Variants in SPIRE1 observed in about 807,000 individuals in gnomAD.
The protein encoded by SPIRE1 is protein spire homolog 1.
SPIRE1 carries 40 observed loss-of-function variants against 94.1 expected under a neutral mutation model. That is an observed-to-expected ratio of 0.43 (90% CI 0.33 to 0.55). The LOEUF (loss-of-function observed/expected upper bound fraction) is 0.55, where lower values mean the gene tolerates loss of function less well. Among genes scored for constraint, SPIRE1 ranks in the 20% least tolerant of loss-of-function variants. The pLI, the probability that SPIRE1 is intolerant of heterozygous loss-of-function variation, is 0.06. For missense variants in SPIRE1, 838 were observed against 975.2 expected (o/e 0.86, Z 1.87); for synonymous variants, 376 against 371.7 (o/e 1.01, Z -0.13).
intron 1 of SPIRE1, among the ~76,000 whole-genome samples, chr18:12,640,169 A>T (rs913054538): frequency 1.6e-4 from 25 of 152,328 alleles, no homozygotes; most frequent in African/African-American, 4.8e-4. Context: ...TGGCTGACTT[A>T]TCATGCAGTC....
At chr18:12,607,438 T>C (rs1422678840) in intron 2 of SPIRE1, among the ~76,000 whole-genome samples, 1 of 152,204 alleles carries the variant, frequency 6.6e-6, no homozygotes, top group African/African-American at 2.4e-5. Flanking sequence ...TGAATGAGCT[T>C]GGTTCTATGC....
intron 12 of SPIRE1, among the ~76,000 whole-genome samples, chr18:12,457,846 C>CT (rs201510377): frequency 0.027 from 3,631 of 132,206 alleles, 151 homozygotes; most frequent in African/African-American, 0.084. Context: ...TTTCTTTTTT[C>CT]TTTTTTTTTT....
intron 12 of SPIRE1, among the ~76,000 whole-genome samples, chr18:12,455,082 C>T (rs2031448986): frequency 6.6e-6 from 1 of 151,932 alleles, no homozygotes; most frequent in Non-Finnish European, 1.5e-5. Flanking sequence ...ACTACAGGTG[C>T]ATGCCACCAT....
chr18:12,571,925 C>T (rs773610858), intron 2 of SPIRE1, among the ~76,000 whole-genome samples: 14 of 152,122 alleles, frequency 9.2e-5, no homozygotes, highest in Admixed American at 1.3e-4. Context: ...ATTACAATAA[C>T]GAGAAGGTGT....
intron 4 of SPIRE1, among the ~76,000 whole-genome samples, chr18:12,528,410 T>C (rs1276240114): frequency 6.6e-6 from 1 of 152,200 alleles, no homozygotes; most frequent in African/African-American, 2.4e-5. Flanking sequence ...GAAAAAGCAT[T>C]TCAGAATAGT....
At chr18:12,493,285 T>C in intron 7 of SPIRE1, 84 bp from the exon 8 acceptor site, 2 of 1,230,574 alleles carry the variant, frequency 1.6e-6, no homozygotes, top group Non-Finnish European at 2.3e-6. Context: ...GTATTATAAA[T>C]TACATTTCAT....
At chr18:12,541,999 T>C (rs143031933) in intron 3 of SPIRE1, among the ~76,000 whole-genome samples, 87 of 151,902 alleles carry the variant, frequency 5.7e-4, no homozygotes, top group African/African-American at 1.8e-3. Flanking sequence ...TCTTTTGAGA[T>C]GGAGTCTCGC....
chr18:12,631,993 C>T (rs1156480531), intron 2 of SPIRE1, among the ~76,000 whole-genome samples: 3 of 151,688 alleles, frequency 2.0e-5, no homozygotes, highest in Admixed American at 6.6e-5. Context: ...TACAGTGAGC[C>T]GTTATCATGG....
intron 4 of SPIRE1, among the ~76,000 whole-genome samples, chr18:12,528,198 C>A (rs1448508904): frequency 6.6e-6 from 1 of 152,160 alleles, no homozygotes; most frequent in Non-Finnish European, 1.5e-5. Flanking sequence ...AAAAAGACTA[C>A]AAGAGATACT....
chr18:12,554,851 A>T (rs192239210), intron 2 of SPIRE1, among the ~76,000 whole-genome samples: 68 of 152,348 alleles, frequency 4.5e-4, no homozygotes, highest in African/African-American at 1.6e-3. Context: ...ATAGAAATTG[A>T]TTCTCCCAGT....
chr18:12,621,552 T>C (rs186700453), intron 2 of SPIRE1, among the ~76,000 whole-genome samples: 54 of 152,314 alleles, frequency 3.5e-4, no homozygotes, highest in African/African-American at 1.3e-3. Context: ...AGGAATAAAG[T>C]ACTGATACAT....
chr18:12,639,002 G>A (rs868635780), intron 1 of SPIRE1, among the ~76,000 whole-genome samples: 1 of 152,110 alleles, frequency 6.6e-6, no homozygotes, highest in African/African-American at 2.4e-5. Flanking sequence ...ATGCAAGAAT[G>A]GACTAATATA....
At chr18:12,585,710 T>C (rs979798226) in intron 2 of SPIRE1, among the ~76,000 whole-genome samples, 5 of 152,172 alleles carry the variant, frequency 3.3e-5, no homozygotes, top group African/African-American at 9.7e-5. Context: ...ATGCTCAATA[T>C]GTATTAGGAT....
intron 4 of SPIRE1, among the ~76,000 whole-genome samples, chr18:12,518,970 G>T (rs2034278975): frequency 6.6e-6 from 1 of 152,118 alleles, no homozygotes. Context: ...CAGTTGTTCT[G>T]ATAACTGGAA....
chr18:12,655,293 A>AGAAG (rs1413610063), intron 1 of SPIRE1, among the ~76,000 whole-genome samples: 1 of 152,134 alleles, frequency 6.6e-6, no homozygotes, highest in Non-Finnish European at 1.5e-5. Flanking sequence ...AGCGAAAGAA[A>AGAAG]GAAGGAAGGA....
chr18:12,639,463 G>C (rs985544228), intron 1 of SPIRE1, among the ~76,000 whole-genome samples: 2 of 152,192 alleles, frequency 1.3e-5, no homozygotes, highest in African/African-American at 4.8e-5. Flanking sequence ...GCCAGGCGCA[G>C]TGGCTCATAC....
In SPIRE1 at chr18:12,496,016, T is replaced by C. The variant is rs1161748131; in HGVS notation, c.1059A>G (p.Pro353=). Residue 353 remains proline (P), a splice_region_variant and synonymous_variant, in exon 7 of 17, where the codon CCA becomes CCG. Transcript: ENST00000409402. ...DFIRSRPPLN[P]VSARKLKPTP... is the part of the protein sequence containing the mutation. ...TAGAGAACTATGTCGAATTACATAC[T>C]GGATTTAAAGGAGGTCTGGATCTGA... 1.2e-6 allele frequency: 2 copies of C among 1,602,860 alleles called. No individual in the cohort carries two copies. Among genetic ancestry groups the C allele is most frequent in the South Asian group, 1.1e-5 (1 of 90,820 alleles).
chr18:12,496,311 TATC>T (rs1191720300), intron 6 of SPIRE1, among the ~76,000 whole-genome samples: 1 of 152,188 alleles, frequency 6.6e-6, no homozygotes, highest in Non-Finnish European at 1.5e-5. Context: ...ACTTTAATTC[TATC>T]ACTTTGTGAA....
intron 2 of SPIRE1, among the ~76,000 whole-genome samples, chr18:12,585,085 TGA>T (rs2036359214): frequency 6.6e-6 from 1 of 152,150 alleles, no homozygotes; most frequent in Non-Finnish European, 1.5e-5. Flanking sequence ...ATTACAGGCG[TGA>T]GCTACCACGC....
Sources: allele counts gnomAD v4.1 joint callset (sites outside exome capture counted in the v4.1 genomes callset), GRCh38; gene constraint gnomAD v4.1.1; transcripts MANE v1.5; gene names NCBI Gene and HGNC (gene_info 2026-07-23, HGNC 2026-07-21).